ACBD6: variants seen among roughly 807,000 people sequenced by gnomAD.
The protein encoded by ACBD6 is acyl-CoA binding domain containing 6.
A neutral mutation model predicts 37.2 loss-of-function variants in ACBD6; 28 were observed. The observed-to-expected ratio is 0.75, with a 90% CI of 0.56 to 1.03. The LOEUF (loss-of-function observed/expected upper bound fraction) is 1.03. Among genes scored for constraint, ACBD6 ranks in the 50% least tolerant of loss-of-function variants. ACBD6 has a pLI of 0.00. For synonymous variants in ACBD6, 113 were observed against 126.8 expected, an observed-to-expected ratio of 0.89 and a Z score of 0.73; for missense variants, 340 against 337.4, an observed-to-expected ratio of 1.01 and a Z score of -0.06.
In ACBD6 at chr1:180,282,154, G is replaced by A. The variant is rs139111454; in HGVS notation, c.*94-768C>T. 1.2e-3 allele frequency among the ~76,000 whole-genome samples: 184 copies of A among 152,308 alleles called. No homozygotes were observed. In the Middle Eastern group the frequency reaches 0.017, roughly 14 times the overall value. ...AATTAAATTGGGCAAGTTACAGGGT[G>A]TCCCTGAACTGGTCAGAACTTACAA... On this transcript the variant is annotated intron_variant, in intron 8 of 13. Coordinates refer to the ACBD6 transcript ENST00000642319.
At chr1:180,274,866 G>A (rs918065001) in exon 10 of ACBD6, 8 of 327,024 alleles carry the variant, frequency 2.4e-5, no homozygotes, top group Non-Finnish European at 4.5e-5. Flanking sequence ...TTCTGCTTAG[G>A]GGCTTGGCTG....
intron 6 of ACBD6, among the ~76,000 whole-genome samples, chr1:180,355,554 C>T (rs1485616448): frequency 6.6e-6 from 1 of 152,116 alleles, no homozygotes; most frequent in African/African-American, 2.4e-5. Context: ...AAGTCATGTT[C>T]AACTTCTCTT....
intron 4 of ACBD6, among the ~76,000 whole-genome samples, chr1:180,421,400 T>C (rs907178235): frequency 1.3e-4 from 20 of 152,242 alleles, no homozygotes; most frequent in African/African-American, 1.7e-4. Context: ...CAGTCTATCA[T>C]TGATGGGTGT....
rs112467064 is a variant in ACBD6 at position 180,358,555 on chromosome 1, C to CAAAA, written c.663+38960_663+38961insTTTT. On this transcript the variant is annotated intron_variant, in intron 6 of 7. Coordinates refer to ENST00000367595, the MANE Select transcript of ACBD6 (RefSeq NM_032360.4). ...ACATTAGCAATATCATACAGAAACC[C>CAAAA]CAAAAAAAACCCCAAAAGAAAAACA... Among the ~76,000 whole-genome samples, 161 of 148,602 alleles carry CAAAA rather than the reference C, an allele frequency of 1.1e-3. 1 individual carries two copies. Among genetic ancestry groups the CAAAA allele is most frequent in the Non-Finnish European group, 1.9e-3 (125 of 67,232 alleles).
chr1:180,462,470 A>T (rs1249709614), intron 3 of ACBD6, among the ~76,000 whole-genome samples: 3 of 152,196 alleles, frequency 2.0e-5, no homozygotes, highest in African/African-American at 7.2e-5. Context: ...AATCATCAAG[A>T]TCAAAAAAGA....
exon 14 of ACBD6, chr1:180,270,937 G>T: frequency 3.8e-6 from 1 of 263,586 alleles, no homozygotes. Flanking sequence ...GTGGGGAAAT[G>T]GGAGACTCCT....
At chr1:180,473,688 C>T (rs74535538) in intron 3 of ACBD6, among the ~76,000 whole-genome samples, 1 of 151,998 alleles carries the variant, frequency 6.6e-6, no homozygotes, top group African/African-American at 2.4e-5. Flanking sequence ...TATGTATATA[C>T]AATTTTGCTG....
At chr1:180,359,171 C>A (rs1310600918) in intron 6 of ACBD6, among the ~76,000 whole-genome samples, 2 of 152,146 alleles carry the variant, frequency 1.3e-5, no homozygotes, top group African/African-American at 4.8e-5. Flanking sequence ...TATTTTCAAA[C>A]TGAGTTTTAA....
intron 6 of ACBD6, among the ~76,000 whole-genome samples, chr1:180,318,057 A>G (rs1375850844): frequency 6.7e-6 from 1 of 150,052 alleles, no homozygotes; most frequent in Non-Finnish European, 1.5e-5. Context: ...TTGTGTCTGT[A>G]GTCCCAGCTA....
intron 6 of ACBD6, among the ~76,000 whole-genome samples, chr1:180,395,843 A>G (rs1654241411): frequency 6.6e-6 from 1 of 152,200 alleles, no homozygotes; most frequent in Non-Finnish European, 1.5e-5. Flanking sequence ...TTGAACAGAC[A>G]TTTGTACACC....
intron 2 of ACBD6, among the ~76,000 whole-genome samples, chr1:180,495,242 G>T (rs1027667756): frequency 9.9e-5 from 15 of 152,156 alleles, no homozygotes; most frequent in Non-Finnish European, 1.5e-5. Flanking sequence ...TGTCTGTTGT[G>T]AACCACTTAT....
intron 3 of ACBD6, among the ~76,000 whole-genome samples, chr1:180,453,078 C>G (rs1373387295): frequency 6.6e-6 from 1 of 152,204 alleles, no homozygotes; most frequent in Non-Finnish European, 1.5e-5. Flanking sequence ...AGGCCAGCAT[C>G]AACCTGATAT....
chr1:180,390,360 A>C (rs1654025928), intron 6 of ACBD6, among the ~76,000 whole-genome samples: 1 of 147,538 alleles, frequency 6.8e-6, no homozygotes, highest in Non-Finnish European at 1.5e-5. Flanking sequence ...CCATTGATCT[A>C]TATCTCTGTT....
chr1:180,439,889 TG>T (rs1370643951), intron 3 of ACBD6, among the ~76,000 whole-genome samples: 1 of 152,236 alleles, frequency 6.6e-6, no homozygotes, highest in African/African-American at 2.4e-5. Flanking sequence ...AGGCTGAAAC[TG>T]GAAGTTCAGT....
intron 1 of ACBD6, among the ~76,000 whole-genome samples, chr1:180,497,028 A>C (rs543507588): frequency 6.6e-6 from 1 of 152,352 alleles, no homozygotes; most frequent in South Asian, 2.1e-4. Context: ...CCTTTACTAC[A>C]TCATTCTGTC....
chr1:180,401,087 C>G (rs1014872201), intron 5 of ACBD6, among the ~76,000 whole-genome samples: 4 of 152,110 alleles, frequency 2.6e-5, no homozygotes, highest in African/African-American at 9.7e-5. Context: ...TAAAACTCTT[C>G]TGGAAAAATA....
rs115909011 is a variant in ACBD6, at chr1:180,290,798, C to T, written c.695-2281G>A. Among the ~76,000 whole-genome samples, 410 of 152,296 alleles carry T rather than the reference C, an allele frequency of 2.7e-3. 2 individuals are homozygous for T. The highest frequency in any genetic ancestry group is 9.5e-3 in the African/African-American group (396 of 41,576). ...AAGGAATGCTGGAGAACTGTCTCTG[C>T]TGGCTCAGGGAAGCAGTACAAAGAG... On this transcript the variant is annotated intron_variant, in intron 7 of 7. Coordinates refer to ENST00000367595, the MANE Select transcript of ACBD6 (RefSeq NM_032360.4).
intron 3 of ACBD6, among the ~76,000 whole-genome samples, chr1:180,464,301 C>A (rs1445389102): frequency 6.6e-6 from 1 of 152,130 alleles, no homozygotes; most frequent in African/African-American, 2.4e-5. Context: ...ATAGTCTCGG[C>A]CCCAAAGCTC....
At chr1:180,463,959 A>T (rs898147727) in intron 3 of ACBD6, among the ~76,000 whole-genome samples, 2 of 152,168 alleles carry the variant, frequency 1.3e-5, no homozygotes, top group Non-Finnish European at 2.9e-5. Flanking sequence ...AAAAAACCAC[A>T]TTATCTCAAT....
Sources: allele counts gnomAD v4.1 joint callset (sites outside exome capture counted in the v4.1 genomes callset), GRCh38; gene constraint gnomAD v4.1.1; transcripts MANE v1.5; gene names NCBI Gene and HGNC (gene_info 2026-07-23, HGNC 2026-07-21).